FAM120C: variants seen among roughly 807,000 people sequenced by gnomAD.
FAM120C encodes constitutive coactivator of PPAR-gamma-like protein 2.
Under a neutral mutation model 71.2 loss-of-function variants are expected in FAM120C, and 14 were observed. That is an observed-to-expected ratio of 0.20 (90% CI 0.13 to 0.31). The LOEUF (loss-of-function observed/expected upper bound fraction) is 0.31. Ranked by LOEUF, FAM120C falls within the 10% of genes least tolerant of loss-of-function variation. The pLI is 1.00. For synonymous variants in FAM120C, 354 were observed against 353.2 expected (o/e 1.00, Z -0.03); for missense variants, 500 against 879.0 (o/e 0.57, Z 5.45).
intron 9 of FAM120C, among the ~76,000 whole-genome samples, chrX:54,129,469 G>A (rs2067050966): frequency 9.3e-6 from 1 of 107,562 alleles, no homozygotes; most frequent in East Asian, 3.0e-4. Flanking sequence ...GATGGTGGCC[G>A]GGAAGAGGCG....
intron 10 of FAM120C, among the ~76,000 whole-genome samples, chrX:54,104,818 A>G (rs1385661722): frequency 1.8e-4 from 20 of 110,320 alleles, no homozygotes; most frequent in African/African-American, 3.0e-4. Context: ...GGGGGGGGAA[A>G]AAAAAGAAAA....
At chrX:54,147,384 T>C (rs2067162553) in intron 4 of FAM120C, 1 of 111,407 alleles carries the variant, frequency 9.0e-6, no homozygotes. Context: ...GGGAACGTCA[T>C]CATTTGGAAA....
At position 54,075,875 on chromosome X, in the gene FAM120C, G is replaced by A. The variant is rs782532567; in HGVS notation, c.3037-2588C>T. Reference sequence around the variant, plus strand: ...CACGCCTGTAATCCCAGCACTTCGGGAGGCCGAGGCGGGCGGATCATGAGG... The same window carrying A: ...CACGCCTGTAATCCCAGCACTTCGGAAGGCCGAGGCGGGCGGATCATGAGG... On this transcript the variant is annotated intron_variant, in intron 15 of 15. Transcript: ENST00000375180. Among the ~76,000 whole-genome samples the A allele has an allele frequency of 2.5e-4, 28 of 111,179 alleles. No homozygotes were observed. The South Asian group carries it at 5.3e-3, about 21-fold the overall frequency.
rs782105656 is a variant in FAM120C at position 54,108,657 on chromosome X, G to A, written c.2312+7888C>T. Among the ~76,000 whole-genome samples the A allele has an allele frequency of 1.8e-4, 20 of 111,209 alleles. No homozygotes were observed. The South Asian group carries it at 3.8e-3, about 21-fold the overall frequency. On this transcript the variant is annotated intron_variant, in intron 10 of 15. Transcript: ENST00000375180. ...AAAACGTAGTACATAATGGCCAGGCGCGGTGGCTCACGCCTGTAATCCCAG... is the reference window on the plus strand; with the variant it reads ...AAAACGTAGTACATAATGGCCAGGCACGGTGGCTCACGCCTGTAATCCCAG...
intron 4 of FAM120C, among the ~76,000 whole-genome samples, chrX:54,145,971 G>A (rs2146622790): frequency 8.9e-6 from 1 of 112,186 alleles, no homozygotes; most frequent in South Asian, 3.7e-4. Flanking sequence ...GGAATACTAT[G>A]CAGCCATAAA....
At chrX:54,154,615 A>T (rs1390848557) in intron 3 of FAM120C, among the ~76,000 whole-genome samples, 1 of 109,191 alleles carries the variant, frequency 9.2e-6, no homozygotes, top group Non-Finnish European at 1.9e-5. Context: ...TCAAAAAAAA[A>T]AAAAAAAAAA....
chrX:54,180,555 A>G (rs904519142), intron 1 of FAM120C, among the ~76,000 whole-genome samples: 1 of 112,420 alleles, frequency 8.9e-6, no homozygotes, highest in Non-Finnish European at 1.9e-5. Flanking sequence ...ACACGTCTTT[A>G]CCCAGGAGCC....
intron 10 of FAM120C, among the ~76,000 whole-genome samples, chrX:54,101,696 A>G (rs782767585): frequency 7.9e-4 from 88 of 112,068 alleles, no homozygotes; most frequent in Non-Finnish European, 1.4e-3. Flanking sequence ...GGAGACGGAC[A>G]CCATTCAGCC....
chrX:54,151,862 T>C (rs2067185394), intron 3 of FAM120C, among the ~76,000 whole-genome samples: 1 of 111,205 alleles, frequency 9.0e-6, no homozygotes, highest in Admixed American at 9.7e-5. Flanking sequence ...ATTTTAGAGA[T>C]GTGTACTGAA....
chrX:54,129,885 C>T (rs2067054786), intron 9 of FAM120C, among the ~76,000 whole-genome samples: 2 of 110,067 alleles, frequency 1.8e-5, no homozygotes, highest in Admixed American at 9.6e-5. Context: ...TCAGGCGTGG[C>T]GGCGCGCGCC....
At chrX:54,159,335 A>G in intron 2 of FAM120C, 35 bp downstream of exon 2, 1 of 1,207,958 alleles carries the variant, frequency 8.3e-7, no homozygotes, top group Non-Finnish European at 1.1e-6. Flanking sequence ...AGAGGAAACT[A>G]CCAATCACTG....
Position 54,182,524 on chromosome X carries a change from T to C in FAM120C, c.675A>G (p.Leu225=), listed in dbSNP as rs1557137521. 8.3e-7 allele frequency: 1 copy of C among 1,210,588 alleles called. No individual in the cohort carries two copies. Among genetic ancestry groups the C allele is most frequent in the Admixed American group, 2.2e-5 (1 of 46,088 alleles). The part of the protein sequence containing the change: ...PPACLSHCVR[L]ALIRFRVKVF... ...CCTTGACCCGGAAGCGGATGAGTGCTAGCCTCACGCAGTGGCTCAGGCAGG... is the reference window on the plus strand; with the variant it reads ...CCTTGACCCGGAAGCGGATGAGTGCCAGCCTCACGCAGTGGCTCAGGCAGG... Residue 225 remains leucine, a synonymous_variant, in exon 1 of 16, where the codon CTA becomes CTG. Coordinates refer to ENST00000375180, the MANE Select transcript of FAM120C (RefSeq NM_017848.6).
At chrX:54,118,699 CTTT>C (rs1187381929) in intron 9 of FAM120C, among the ~76,000 whole-genome samples, 62 of 31,723 alleles carry the variant, frequency 2.0e-3, no homozygotes, top group African/African-American at 8.0e-3. Flanking sequence ...TTCTTTTTTT[CTTT>C]TTTTTTTTTT....
chrX:54,111,122 G>A (rs1275512322), intron 10 of FAM120C, among the ~76,000 whole-genome samples: 1 of 110,394 alleles, frequency 9.1e-6, no homozygotes, highest in Non-Finnish European at 1.9e-5. Context: ...TTAGGAGACT[G>A]AGGCGGGAGG....
At chrX:54,088,038 A>G (rs1557122178) in intron 11 of FAM120C, 74 bp from the exon 12 acceptor site, 5 of 872,340 alleles carry the variant, frequency 5.7e-6, no homozygotes, top group Non-Finnish European at 8.0e-6. Context: ...TATTCCTGTC[A>G]TGCTGATTCT....
intron 2 of FAM120C, among the ~76,000 whole-genome samples, chrX:54,158,272 G>A (rs1388511141): frequency 8.9e-6 from 1 of 112,057 alleles, no homozygotes; most frequent in Non-Finnish European, 1.9e-5. Context: ...CTGAAACCAG[G>A]GAGATGTCAC....
At chrX:54,099,459 G>A (rs1313497665) in intron 10 of FAM120C, among the ~76,000 whole-genome samples, 1 of 111,776 alleles carries the variant, frequency 8.9e-6, no homozygotes. Flanking sequence ...TTTATTTGTA[G>A]TCTTGTTTCT....
intron 1 of FAM120C, 53 bp downstream of exon 1, chrX:54,182,447 T>G (rs782714652): frequency 8.8e-7 from 1 of 1,131,002 alleles, no homozygotes; most frequent in African/African-American, 1.8e-5. Flanking sequence ...AGGTATTTAG[T>G]TGGGAGGGAA....
intron 1 of FAM120C, among the ~76,000 whole-genome samples, chrX:54,165,254 A>G (rs1451200663): frequency 1.8e-5 from 2 of 111,983 alleles, no homozygotes; most frequent in African/African-American, 6.5e-5. Context: ...TGTTCAAATC[A>G]GGATTCAAAC....
Sources: allele counts gnomAD v4.1 joint callset (sites outside exome capture counted in the v4.1 genomes callset), GRCh38; gene constraint gnomAD v4.1.1; transcripts MANE v1.5; gene names NCBI Gene and HGNC (gene_info 2026-07-23, HGNC 2026-07-21).